DRC9: variants seen among roughly 807,000 people sequenced by gnomAD.
The protein encoded by DRC9 is dynein regulatory complex subunit 9, also known as dynein regulatory complex protein 9.
chr3:197,938,465 G>C, the DRC9 span: 3 of 931,126 alleles, frequency 3.2e-6, no homozygotes, highest in Admixed American at 3.5e-5. Context: ...ACCTGTAGAC[G>C]ATAGCAGTCA....
At chr3:197,954,012 C>T in the DRC9 span, 7 of 1,612,992 alleles carry the variant, frequency 4.3e-6, no homozygotes, top group Non-Finnish European at 5.1e-6. Context: ...GCAACACAGT[C>T]ACTCCTGGCG....
chr3:197,943,964 T>C, the DRC9 span: 1 of 1,614,168 alleles, frequency 6.2e-7, no homozygotes, highest in South Asian at 1.1e-5. Flanking sequence ...CTTCTTCTTC[T>C]ACGGTACTAG....
At chr3:197,920,514 G>GC in the DRC9 span, among the ~76,000 whole-genome samples, 4 of 151,838 alleles carry the variant, frequency 2.6e-5, no homozygotes, top group African/African-American at 9.7e-5. Flanking sequence ...ATCACCTGAG[G>GC]CCAGGAGTTT....
chr3:197,959,912 C>T, the DRC9 span: 1 of 424,700 alleles, frequency 2.4e-6, no homozygotes, highest in Non-Finnish European at 4.3e-6. Flanking sequence ...ACACCTGGCA[C>T]CTAGTAGGTG....
the DRC9 span, among the ~76,000 whole-genome samples, chr3:197,892,975 C>A: frequency 6.6e-6 from 1 of 152,144 alleles, no homozygotes; most frequent in African/African-American, 2.4e-5. Context: ...GTATCTTTAT[C>A]CAGGTGGTGG....
chr3:197,922,644 C>T, the DRC9 span, among the ~76,000 whole-genome samples: 1 of 151,742 alleles, frequency 6.6e-6, no homozygotes, highest in Non-Finnish European at 1.5e-5. Flanking sequence ...AGACGGAGGT[C>T]GCAGTGAGCC....
At chr3:197,891,692 T>C in the DRC9 span, 16 of 443,056 alleles carry the variant, frequency 3.6e-5, no homozygotes, top group East Asian at 5.6e-4. Flanking sequence ...AATAGATTCC[T>C]AGATGGTAAA....
At chr3:197,915,505 C>A in the DRC9 span, among the ~76,000 whole-genome samples, 59,419 of 152,012 alleles carry the variant, frequency 0.39, 16,242 homozygotes, top group African/African-American at 0.79. Context: ...ACTGTTTGGG[C>A]GGAATCAGTG....
chr3:197,902,572 A>G, the DRC9 span, among the ~76,000 whole-genome samples: 1 of 152,052 alleles, frequency 6.6e-6, no homozygotes, highest in African/African-American at 2.4e-5. Context: ...TGCAATTGAC[A>G]TATTGAAGAA....
chr3:197,905,469 G>A, the DRC9 span, among the ~76,000 whole-genome samples: 444 of 152,236 alleles, frequency 2.9e-3, 5 homozygotes, highest in African/African-American at 9.8e-3. Context: ...ATAACAGGCC[G>A]GGTGTGATGG....
chr3:197,904,338 G>C, the DRC9 span, among the ~76,000 whole-genome samples: 6 of 151,962 alleles, frequency 3.9e-5, no homozygotes, highest in African/African-American at 1.4e-4. Context: ...GTACGGTATT[G>C]GTTGGTGGAA....
chr3:197,941,171 CCTCT>C, the DRC9 span, among the ~76,000 whole-genome samples: 12 of 145,868 alleles, frequency 8.2e-5, no homozygotes, highest in Non-Finnish European at 1.4e-4. Context: ...TCCTCTCTCT[CCTCT>C]CTCTCTCCCC....
At chr3:197,952,446 GC>G in the DRC9 span, 1 of 151,870 alleles carries the variant, frequency 6.6e-6, no homozygotes, top group South Asian at 2.1e-4. Context: ...GGGATTACAG[GC>G]AGGAGCCACG....
the DRC9 span, among the ~76,000 whole-genome samples, chr3:197,942,845 T>G: frequency 2.7e-4 from 40 of 150,762 alleles, no homozygotes; most frequent in Non-Finnish European, 5.2e-4. Context: ...GAGGCGGAGG[T>G]TGCGGTGAGC....
chr3:197,917,834 G>C, the DRC9 span, among the ~76,000 whole-genome samples: 3 of 148,490 alleles, frequency 2.0e-5, no homozygotes, highest in Non-Finnish European at 4.5e-5. Flanking sequence ...GGGTTCAAGC[G>C]ATTCTCCTGC....
the DRC9 span, chr3:197,950,068 G>C: frequency 8.8e-7 from 1 of 1,133,668 alleles, no homozygotes; most frequent in Non-Finnish European, 1.1e-6. Context: ...ATTGAATGTG[G>C]CTTATTTCAG....
At chr3:197,926,118 AGAAT>A in the DRC9 span, 3 of 1,427,962 alleles carry the variant, frequency 2.1e-6, no homozygotes, top group Middle Eastern at 1.8e-4. Flanking sequence ...AGAAGATATA[AGAAT>A]GATTTGTGTT....
chr3:197,919,872 C>A, the DRC9 span, among the ~76,000 whole-genome samples: 2 of 151,928 alleles, frequency 1.3e-5, no homozygotes, highest in African/African-American at 4.8e-5. Flanking sequence ...ATTAAAGAGA[C>A]AAAAGCCACA....
At chr3:197,889,487 A>G in the DRC9 span, 1 of 1,409,038 alleles carries the variant, frequency 7.1e-7, no homozygotes, top group South Asian at 1.2e-5. Flanking sequence ...CAACCTGTAG[A>G]TGAGTCATCT....
Sources: allele counts gnomAD v4.1 joint callset (sites outside exome capture counted in the v4.1 genomes callset), GRCh38; gene constraint gnomAD v4.1.1; transcripts MANE v1.5; gene names NCBI Gene and HGNC (gene_info 2026-07-23, HGNC 2026-07-21).